TBX18: variants seen among roughly 807,000 people sequenced by gnomAD.
TBX18 encodes the protein T-box transcription factor TBX18.
A neutral mutation model predicts 55.0 loss-of-function variants in TBX18; 21 were observed. The ratio of observed to expected loss-of-function variants is 0.38; its 90% CI spans 0.27 to 0.55. The LOEUF (loss-of-function observed/expected upper bound fraction) is 0.55. Among genes scored for constraint, TBX18 ranks in the 20% least tolerant of loss-of-function variants. The pLI is 0.73. For missense variants in TBX18, 840 were observed against 799.6 expected (o/e 1.05, Z -0.61); for synonymous variants, 342 against 326.1 (o/e 1.05, Z -0.53).
chr6:84,756,855 C>T lies in TBX18; in HGVS notation c.614G>A (p.Ser205Asn), dbSNP rs763877155. The T allele has an allele frequency of 1.2e-6, 2 of 1,614,058 alleles. No individual in the cohort carries two copies. The highest frequency in any genetic ancestry group is 1.7e-6 in the Non-Finnish European group (2 of 1,179,942). ...DNKRYRYVYH[S>N]SKWMVAGNAD... is the part of the protein sequence containing the mutation. The stretch of plus-strand genomic sequence containing the variant: ...ATTACCTGCCACCATCCATTTCGAA[C>T]TGTGGTAAACATACCTAGAAGGCAA... The change falls in exon 4 of 8, where the codon AGT (serine) becomes AAT (asparagine). Residue 205 changes from serine to asparagine, a missense_variant. By Grantham distance (46) the Ser-to-Asn change is conservative. Coordinates refer to ENST00000369663, the MANE Select transcript of TBX18 (RefSeq NM_001080508.3).
intron 1 of TBX18, chr6:84,763,403 G>A (rs776945909): frequency 2.4e-5 from 11 of 458,226 alleles, no homozygotes; most frequent in South Asian, 1.4e-4. Context: ...AGAGGAGAAG[G>A]GAAGGGAACC....
intron 6 of TBX18, chr6:84,742,056 A>G (rs1767061012): frequency 6.6e-6 from 1 of 152,214 alleles, no homozygotes. Flanking sequence ...CTTGTCTATA[A>G]TAAGCAAGAG....
chr6:84,760,241 T>C lies in TBX18; in HGVS notation c.599+14A>G. 1 of 1,507,054 alleles carries C rather than the reference T, an allele frequency of 6.6e-7. No individual in the cohort carries two copies. Among genetic ancestry groups the C allele is most frequent in the Non-Finnish European group, 9.0e-7 (1 of 1,108,346 alleles). 93.4% of individuals were successfully genotyped at this position (1,507,054 alleles called of 1,614,324 possible). A position where few individuals can be genotyped will look rare whatever the true frequency, so the allele number is the denominator to read the frequency against. On this transcript the variant is annotated intron_variant, in intron 3 of 7. Transcript: ENST00000369663. ...TGTTTTTTTTTTTAATTGTTCAGTA[T>C]CTAATCACTGTACCTGTATCTTTTG...
rs547984417 is a variant in TBX18 at position 84,737,802 on chromosome 6, C to T, written c.1100-393G>A. ...AGGGCTGGACAGGTTGTAAAACCTTCATTGCTGTATTGATGGTGTTTTATA... is the reference window on the plus strand; with the variant it reads ...AGGGCTGGACAGGTTGTAAAACCTTTATTGCTGTATTGATGGTGTTTTATA... On this transcript the variant is annotated intron_variant, in intron 7 of 7. Transcript: ENST00000369663. Among the ~76,000 whole-genome samples, 23 of 152,272 alleles carry T rather than the reference C, an allele frequency of 1.5e-4. No homozygotes were observed. The South Asian group carries it at 4.8e-3, about 32-fold the overall frequency.
rs1767118913 is a variant in TBX18, at chr6:84,744,114, T to C, written c.1004+147A>G. The C allele has an allele frequency of 2.8e-5, 20 of 727,210 alleles. No individual in the cohort carries two copies. In the South Asian group the frequency reaches 4.2e-4, roughly 15 times the overall value. The allele number at this position is 727,210 out of a possible 1,614,324, so 45.0% of individuals were successfully genotyped here. A position where few individuals can be genotyped will look rare whatever the true frequency, so the allele number is the denominator to read the frequency against. ...AGGTGACACCATTACACTACAAAAA[T>C]AAGTTATCTCCGAGGCACAACAGTC... is the stretch of plus-strand genomic sequence containing the variant. On this transcript the variant is annotated intron_variant, in intron 6 of 7. Coordinates refer to ENST00000369663, the MANE Select transcript of TBX18 (RefSeq NM_001080508.3).
chr6:84,741,814 C>A (rs1049382604), intron 6 of TBX18: 1 of 152,290 alleles, frequency 6.6e-6, no homozygotes, highest in African/African-American at 2.4e-5. Context: ...TGCCCATGCT[C>A]TCCAAACAAC....
intron 6 of TBX18, among the ~76,000 whole-genome samples, chr6:84,739,242 C>A (rs1008953612): frequency 2.0e-4 from 30 of 151,874 alleles, no homozygotes; most frequent in African/African-American, 7.0e-4. Context: ...CCTCACAGGG[C>A]TATCTAGTAT....
At chr6:84,751,444 A>G (rs1229013953) in intron 4 of TBX18, among the ~76,000 whole-genome samples, 6 of 152,214 alleles carry the variant, frequency 3.9e-5, no homozygotes, top group African/African-American at 1.4e-4. Context: ...TAATCTGAAG[A>G]TTGCTCAAGA....
Position 84,744,272 on chromosome 6 carries a change from G to A in TBX18, c.993C>T (p.Ser331=), listed in dbSNP as rs745807758. 2.2e-5 allele frequency: 35 copies of A among 1,612,208 alleles called. No homozygotes were observed. The African/African-American group carries it at 2.8e-4, about 13-fold the overall frequency. Residue 331 remains serine, a synonymous_variant, in exon 6 of 8, where the codon TCC becomes TCT. Transcript: ENST00000369663. The part of the protein sequence containing the change: ...RNPFAKGFRD[S]GRNRMGLEAL... ...TCACTAAGGCCCACCTGTTGCGCCC[G>A]GAGTCTCGGAAGCCTTTAGCAAATG...
chr6:84,756,160 G>C (rs1767480217), intron 4 of TBX18, among the ~76,000 whole-genome samples: 2 of 152,166 alleles, frequency 1.3e-5, no homozygotes, highest in East Asian at 3.8e-4. Flanking sequence ...GCTGAACTTT[G>C]ACTTATGTAT....
intron 4 of TBX18, among the ~76,000 whole-genome samples, chr6:84,752,605 G>A (rs1314338270): frequency 2.6e-5 from 4 of 152,146 alleles, no homozygotes; most frequent in Non-Finnish European, 4.4e-5. Context: ...TATAACCCAT[G>A]AGAAAAATCA....
At chr6:84,742,305 G>A (rs1384176356) in intron 6 of TBX18, 1 of 152,064 alleles carries the variant, frequency 6.6e-6, no homozygotes, top group Non-Finnish European at 1.5e-5. Context: ...ATGGATGTCA[G>A]GCTTACATAC....
At chr6:84,748,894 G>A (rs1038034873) in intron 4 of TBX18, among the ~76,000 whole-genome samples, 1 of 152,110 alleles carries the variant, frequency 6.6e-6, no homozygotes, top group African/African-American at 2.4e-5. Context: ...GAGTAAATTA[G>A]TTAGGTGAAT....
chr6:84,762,764 C>T lies in TBX18; in HGVS notation c.293-16G>A. On this transcript the variant is annotated splice_polypyrimidine_tract_variant and intron_variant, in intron 1 of 7. Coordinates refer to ENST00000369663, the MANE Select transcript of TBX18 (RefSeq NM_001080508.3). The stretch of plus-strand genomic sequence containing the variant: ...TCACAGCCGCCTGGACAGCAAAGGA[C>T]AGAGAAAGGGAACTGGTGAGGGAAA... The T allele has an allele frequency of 1.9e-6, 3 of 1,580,750 alleles. No individual in the cohort carries two copies. Among genetic ancestry groups the T allele is most frequent in the Non-Finnish European group, 2.6e-6 (3 of 1,163,930 alleles).
intron 4 of TBX18, among the ~76,000 whole-genome samples, chr6:84,751,525 C>G (rs1416926709): frequency 2.6e-5 from 4 of 152,158 alleles, no homozygotes; most frequent in Non-Finnish European, 5.9e-5. Context: ...GATGGAGAAA[C>G]AAGCCTCAGT....
At chr6:84,762,032 A>C (rs1767660285) in intron 2 of TBX18, among the ~76,000 whole-genome samples, 1 of 152,222 alleles carries the variant, frequency 6.6e-6, no homozygotes, top group Non-Finnish European at 1.5e-5. Context: ...ATGAAATAGC[A>C]GGACAGATCA....
At position 84,756,715 on chromosome 6, in the gene TBX18, G is replaced by C; in HGVS notation, c.754C>G (p.Leu252Val). The C allele has an allele frequency of 6.2e-7, 1 of 1,614,034 alleles. No homozygotes were observed. Among genetic ancestry groups the C allele is most frequent in the South Asian group, 1.1e-5 (1 of 91,066 alleles). The change falls in exon 4 of 8, where the codon CTG becomes GTG. Residue 252 changes from leucine (L) to valine (V), a missense_variant. Physicochemically the swap from Leu to Val is conservative, Grantham distance 32. Coordinates refer to ENST00000369663, the MANE Select transcript of TBX18 (RefSeq NM_001080508.3). ...CTACTCACATGGCCTTGGTCATCCA[G>C]TTCATTGTTGGTGAGCTTCAGCTTG... ...FDKLKLTNNE[L>V]DDQGHIILHS...
rs565693119 is a variant in TBX18 at position 84,732,565 on chromosome 6, T to C, written c.*4120A>G. ...CTCCATATATTATAATAGACTGCTA[T>C]ACTTATTTCAAAACAAAATAATTTA... is the stretch of plus-strand genomic sequence containing the variant. On this transcript the variant is annotated 3_prime_UTR_variant, in exon 8 of 8. Transcript: ENST00000369663. The C allele has an allele frequency of 5.9e-5, 9 of 152,272 alleles. No homozygotes were observed. The highest frequency in any genetic ancestry group is 2.2e-4 in the African/African-American group (9 of 41,584). The allele number at this position is 152,272 out of a possible 1,614,324, so 9.4% of individuals were successfully genotyped here. A position where few individuals can be genotyped will look rare whatever the true frequency, so the allele number is the denominator to read the frequency against.
At chr6:84,758,020 C>G (rs1260568284) in intron 3 of TBX18, among the ~76,000 whole-genome samples, 1 of 152,138 alleles carries the variant, frequency 6.6e-6, no homozygotes, top group Non-Finnish European at 1.5e-5. Flanking sequence ...TTCTTTGTCA[C>G]ATATTTCATT....
Sources: gnomAD v4.1 joint callset for allele counts (sites outside exome capture counted in the v4.1 genomes callset) on GRCh38, gnomAD v4.1.1 for gene constraint, MANE v1.5 for transcripts, NCBI Gene and HGNC (gene_info 2026-07-23, HGNC 2026-07-21) for gene names.